EFCAB11: variants seen among roughly 807,000 people sequenced by gnomAD.
EFCAB11 encodes EF-hand calcium-binding domain-containing protein 11.
EFCAB11 carries 14 observed loss-of-function variants against 23.0 expected under a neutral mutation model. That is an observed-to-expected ratio of 0.61 (90% CI 0.40 to 0.95). The LOEUF (loss-of-function observed/expected upper bound fraction) is 0.95, where lower values mean the gene tolerates loss of function less well. Among genes scored for constraint, EFCAB11 ranks in the 40% least tolerant of loss-of-function variants. The pLI is 0.00. For synonymous variants in EFCAB11, 65 were observed against 66.6 expected, an observed-to-expected ratio of 0.98 and a Z score of 0.11; for missense variants, 198 against 195.8, an observed-to-expected ratio of 1.01 and a Z score of -0.07.
intron 5 of EFCAB11, among the ~76,000 whole-genome samples, chr14:89,878,995 C>A (rs959181654): frequency 1.3e-5 from 2 of 151,918 alleles, no homozygotes; most frequent in Non-Finnish European, 2.9e-5. Flanking sequence ...TATTACTTTA[C>A]CTTGTTTGAA....
intron 5 of EFCAB11, among the ~76,000 whole-genome samples, chr14:89,805,351 G>C (rs954412377): frequency 2.6e-5 from 4 of 152,184 alleles, no homozygotes; most frequent in Admixed American, 1.3e-4. Flanking sequence ...GGATTGACTG[G>C]CTTAAGCCAG....
intron 5 of EFCAB11, among the ~76,000 whole-genome samples, chr14:89,850,613 A>C (rs570515953): frequency 5.1e-4 from 77 of 152,364 alleles, no homozygotes; most frequent in African/African-American, 1.8e-3. Flanking sequence ...CATTTGTTTT[A>C]AACCTACCTC....
intron 5 of EFCAB11, among the ~76,000 whole-genome samples, chr14:89,917,836 T>C (rs573201168): frequency 4.1e-4 from 63 of 152,318 alleles, no homozygotes; most frequent in Non-Finnish European, 5.4e-4. Context: ...GTAAAATGGA[T>C]AGAAATGCCG....
chr14:89,917,052 TCGTGTGTGTGTGTGTGTGTGTGTG>T (rs1187444491), intron 5 of EFCAB11, among the ~76,000 whole-genome samples: 1 of 116,794 alleles, frequency 8.6e-6, no homozygotes, highest in African/African-American at 3.4e-5. Context: ...CTGACATGCT[TCGTGTGTGTGTGTGTGTGTGTGTG>T]TGTGTGTGTG....
chr14:89,918,677 T>C (rs977674757), intron 5 of EFCAB11, among the ~76,000 whole-genome samples: 2 of 151,668 alleles, frequency 1.3e-5, no homozygotes, highest in African/African-American at 4.9e-5. Flanking sequence ...AGCACAGTAG[T>C]GGGAAAGGTT....
intron 5 of EFCAB11, among the ~76,000 whole-genome samples, chr14:89,899,075 T>C (rs1249258128): frequency 6.6e-6 from 1 of 152,214 alleles, no homozygotes; most frequent in Non-Finnish European, 1.5e-5. Context: ...GAAATATTAA[T>C]ACAGCATTGC....
chr14:89,945,118 C>T (rs7151882), intron 3 of EFCAB11, among the ~76,000 whole-genome samples: 14,332 of 151,344 alleles, frequency 0.095, 1,765 homozygotes, highest in African/African-American at 0.29. Flanking sequence ...CTTTTCCCCC[C>T]CCACTCAGTG....
intron 5 of EFCAB11, among the ~76,000 whole-genome samples, chr14:89,819,126 C>A (rs1010150589): frequency 6.6e-6 from 1 of 152,168 alleles, no homozygotes; most frequent in Non-Finnish European, 1.5e-5. Flanking sequence ...ACAAACCCAA[C>A]GCCCATCAAC....
chr14:89,809,685 T>C (rs1596376066), intron 5 of EFCAB11, among the ~76,000 whole-genome samples: 3 of 152,158 alleles, frequency 2.0e-5, no homozygotes, highest in Admixed American at 2.0e-4. Context: ...ACTAAGTGAA[T>C]TTATGTTGGA....
At chr14:89,832,223 G>A (rs1333195391) in intron 5 of EFCAB11, among the ~76,000 whole-genome samples, 2 of 152,156 alleles carry the variant, frequency 1.3e-5, no homozygotes, top group East Asian at 3.8e-4. Flanking sequence ...TGAGGTAGGA[G>A]AATCACTTGA....
rs772585331 is a variant in EFCAB11, at chr14:89,797,364, G to C, written c.411-40C>G. ...AAAAAGTCATTTACACATTATTCTC[G>C]TTAACACCTATGCACCGAGAGCACA... On this transcript the variant is annotated intron_variant, in intron 5 of 5. Transcript: ENST00000316738. 3.2e-6 allele frequency: 5 copies of C among 1,566,398 alleles called. No individual in the cohort carries two copies. The South Asian group carries it at 5.6e-5, about 17-fold the overall frequency.
intron 5 of EFCAB11, among the ~76,000 whole-genome samples, chr14:89,832,494 A>G (rs1045434625): frequency 1.3e-5 from 2 of 152,178 alleles, no homozygotes; most frequent in Non-Finnish European, 2.9e-5. Flanking sequence ...CCTATGTCGC[A>G]CATGTATGTT....
At chr14:89,857,269 G>A (rs1035199863) in intron 5 of EFCAB11, among the ~76,000 whole-genome samples, 1 of 152,194 alleles carries the variant, frequency 6.6e-6, no homozygotes, top group African/African-American at 2.4e-5. Context: ...ATTCAAAGAC[G>A]CATTTCACAG....
chr14:89,843,908 T>A (rs1458471224), intron 5 of EFCAB11, among the ~76,000 whole-genome samples: 1 of 152,222 alleles, frequency 6.6e-6, no homozygotes, highest in Non-Finnish European at 1.5e-5. Flanking sequence ...TGAATACAAG[T>A]TTCTCAAATT....
chr14:89,940,459 A>T (rs1890751522), intron 3 of EFCAB11, among the ~76,000 whole-genome samples: 1 of 152,244 alleles, frequency 6.6e-6, no homozygotes, highest in Non-Finnish European at 1.5e-5. Flanking sequence ...GCCAGACAAG[A>T]TATTAATAAA....
At chr14:89,829,726 C>T (rs1886822685) in intron 5 of EFCAB11, 1 of 152,102 alleles carries the variant, frequency 6.6e-6, no homozygotes, top group Non-Finnish European at 1.5e-5. Flanking sequence ...ACACATGTTC[C>T]AAAATGTAAC....
At chr14:89,833,344 C>T (rs930156497) in intron 5 of EFCAB11, among the ~76,000 whole-genome samples, 47 of 152,186 alleles carry the variant, frequency 3.1e-4, no homozygotes, top group Admixed American at 1.3e-4. Flanking sequence ...ACAAGAAATG[C>T]TGGCAGGTAA....
At chr14:89,881,905 G>C (rs533497796) in intron 5 of EFCAB11, among the ~76,000 whole-genome samples, 1 of 152,286 alleles carries the variant, frequency 6.6e-6, no homozygotes, top group South Asian at 2.1e-4. Flanking sequence ...CTACAACCAA[G>C]ATCAGTAGCA....
At position 89,903,052 on chromosome 14, in the gene EFCAB11, G is replaced by A. The variant is rs1025767158; in HGVS notation, c.410+28489C>T. 2.6e-5 allele frequency among the ~76,000 whole-genome samples: 4 copies of A among 152,342 alleles called. No homozygotes were observed. The South Asian group carries it at 6.2e-4, about 24-fold the overall frequency. On this transcript the variant is annotated intron_variant, in intron 5 of 5. Coordinates refer to ENST00000316738, the MANE Select transcript of EFCAB11 (RefSeq NM_145231.4). ...CACAACACATTAGGTCAGTCATTAG[G>A]AGGAAACAGCCCCATGAACAATGCC... is the stretch of plus-strand genomic sequence containing the variant.
Sources: allele counts gnomAD v4.1 joint callset (sites outside exome capture counted in the v4.1 genomes callset), GRCh38; gene constraint gnomAD v4.1.1; transcripts MANE v1.5; gene names NCBI Gene and HGNC (gene_info 2026-07-23, HGNC 2026-07-21).